The following PLG variants were observed in gnomAD, a reference collection of about 807,000 sequenced individuals.
The protein encoded by PLG is plasmin.
Under a neutral mutation model 104.4 loss-of-function variants are expected in PLG, and 41 were observed. The observed-to-expected ratio is 0.39, with a 90% CI of 0.31 to 0.51. PLG has a LOEUF of 0.51. PLG is among the 20% of genes least tolerant of loss of function. The pLI, the probability that PLG is intolerant of heterozygous loss-of-function variation, is 0.76. For missense variants in PLG, 891 were observed against 1,003.6 expected (o/e 0.89, Z 1.52); for synonymous variants, 337 against 357.1 (o/e 0.94, Z 0.63).
chr6:160,713,339 C>G, intron 5 of PLG: 1 of 511,826 alleles, frequency 2.0e-6, no homozygotes, highest in South Asian at 2.0e-5. Context: ...CGTGCAATCT[C>G]GGCTCACCAC....
At position 160,752,867 on chromosome 6, in the gene PLG, C is replaced by T. The variant is rs1027768886; in HGVS notation, c.2272-33C>T. The stretch of plus-strand genomic sequence containing the variant: ...CCATAATAAAAGGCAGGCAGCCTAA[C>T]CCTCACATGCATTTTTCTCTCCCTC... On this transcript the variant is annotated intron_variant, in intron 18 of 18. Coordinates refer to ENST00000308192, the MANE Select transcript of PLG (RefSeq NM_000301.5). The surrounding 1 kb of genome is among the most constrained non-coding windows in gnomAD (Gnocchi z 4.7). 1 of 1,611,818 alleles carries T rather than the reference C, an allele frequency of 6.2e-7. No individual in the cohort carries two copies.
chr6:160,738,657 T>A lies in PLG; in HGVS notation c.1877+45T>A. The A allele has an allele frequency of 8.2e-7, 1 of 1,224,972 alleles. No homozygotes were observed. Among genetic ancestry groups the A allele is most frequent in the Non-Finnish European group, 1.2e-6 (1 of 824,750 alleles). The allele number at this position is 1,224,972 out of a possible 1,614,324, so 75.9% of individuals were successfully genotyped here. On this transcript the variant is annotated intron_variant, in intron 15 of 18. Coordinates refer to ENST00000308192, the MANE Select transcript of PLG (RefSeq NM_000301.5). This position sits in a 1 kb window ranked among gnomAD's most constrained non-coding sequence, Gnocchi z 6.8. ...GACATGAAGTCTTGTCTTAAATACT[T>A]TTTCTGTCCTTCTTTTCCTCCTTTC... is the stretch of plus-strand genomic sequence containing the variant.
chr6:160,714,535 G>C (rs370903455), intron 5 of PLG, among the ~76,000 whole-genome samples: 3 of 152,100 alleles, frequency 2.0e-5, no homozygotes, highest in African/African-American at 7.2e-5. Context: ...TTCTGAACTT[G>C]GTCATGACTA....
At chr6:160,728,051 A>G (rs1442671162) in intron 10 of PLG, among the ~76,000 whole-genome samples, 1 of 151,970 alleles carries the variant, frequency 6.6e-6, no homozygotes, top group African/African-American at 2.4e-5. Flanking sequence ...TAATTAACGG[A>G]TGCAGAAAGT....
chr6:160,748,440 G>GAGAAAGA lies in PLG; in HGVS notation c.2126-3674_2126-3673insGAAAGAA, dbSNP rs1778331521. ...AGGGAAAGAAAGAGAACGAAAGAAA[G>GAGAAAGA]AAGGGAGGGAGGGAGGGAGGGAGGG... On this transcript the variant is annotated intron_variant, in intron 17 of 18. Transcript: ENST00000308192. Among the ~76,000 whole-genome samples the GAGAAAGA allele has an allele frequency of 4.3e-5, 3 of 69,372 alleles. 1 individual carries two copies. The highest frequency in any genetic ancestry group is 3.8e-4 in the Admixed American group (2 of 5,240). The allele number at this position is 69,372 out of a possible 152,430, so 45.5% of individuals were successfully genotyped here.
intron 2 of PLG, among the ~76,000 whole-genome samples, chr6:160,707,303 A>G (rs1777546770): frequency 6.6e-6 from 1 of 152,120 alleles, no homozygotes; most frequent in African/African-American, 2.4e-5. Context: ...GTGGGGTGGA[A>G]TGTGGAGCAG....
At position 160,741,167 on chromosome 6, in the gene PLG, C is replaced by G. The variant is rs752584086; in HGVS notation, c.2019-144C>G. On this transcript the variant is annotated intron_variant, in intron 16 of 18. Transcript: ENST00000308192. This position sits in a 1 kb window ranked among gnomAD's most constrained non-coding sequence, Gnocchi z 4.7. Reference sequence around the variant, plus strand: ...CACAGGCAAATGTGAGGGTGAAACTCTGTGTTCTACGTTGCTCTGTGTCAG... The same window carrying G: ...CACAGGCAAATGTGAGGGTGAAACTGTGTGTTCTACGTTGCTCTGTGTCAG... 13 of 688,270 alleles carry G rather than the reference C, an allele frequency of 1.9e-5. No individual in the cohort carries two copies. Among genetic ancestry groups the G allele is most frequent in the Non-Finnish European group, 3.3e-5 (12 of 365,954 alleles). 42.6% of individuals were successfully genotyped at this position (688,270 alleles called of 1,614,324 possible). A position where few individuals can be genotyped will look rare whatever the true frequency, so the allele number is the denominator to read the frequency against.
upstream of PLG, chr6:160,702,231 C>A (rs532887563): frequency 6.4e-6 from 10 of 1,554,182 alleles, no homozygotes; most frequent in Non-Finnish European, 7.9e-6. Context: ...TTTGTGGATG[C>A]GTTTACTCTC....
intron 8 of PLG, 77 bp downstream of exon 8, chr6:160,718,533 A>G: frequency 7.3e-7 from 1 of 1,374,222 alleles, no homozygotes; most frequent in East Asian, 2.3e-5. Flanking sequence ...TAGTTACTGT[A>G]GGAACGCAGG....
chr6:160,731,006 A>G lies in PLG; in HGVS notation c.1257-45A>G, dbSNP rs758340326. 6.3e-7 allele frequency: 1 copy of G among 1,595,194 alleles called. No homozygotes were observed. Among genetic ancestry groups the G allele is most frequent in the East Asian group, 2.2e-5 (1 of 44,766 alleles). ...TGTAGAGGGTGCTGGGTGCCCCTGA[A>G]TATTCTCCCACCTCTTGTGACCTGT... On this transcript the variant is annotated intron_variant, in intron 10 of 18. Coordinates refer to ENST00000308192, the MANE Select transcript of PLG (RefSeq NM_000301.5). The surrounding 1 kb of genome is among the most constrained non-coding windows in gnomAD (Gnocchi z 5.1).
intron 17 of PLG, among the ~76,000 whole-genome samples, chr6:160,745,571 T>C (rs547524438): frequency 3.3e-5 from 5 of 152,300 alleles, no homozygotes; most frequent in Admixed American, 2.6e-4. Context: ...CTCTTGAAGG[T>C]AGCATACCAG....
chr6:160,711,665 T>C, intron 4 of PLG: 1 of 1,610,776 alleles, frequency 6.2e-7, no homozygotes, highest in Non-Finnish European at 8.5e-7. Context: ...TTTTCTTGGA[T>C]ATGGAGGTTT....
At position 160,707,789 on chromosome 6, in the gene PLG, T is replaced by A; in HGVS notation, c.275T>A (p.Val92Asp). 6.2e-7 allele frequency: 1 copy of A among 1,611,258 alleles called. No homozygotes were observed. The highest frequency in any genetic ancestry group is 1.3e-5 in the African/African-American group (1 of 74,930). ...ATAATCATTAGGATGAGAGATGTAG[T>A]TTTATTTGAAAAGAAAGGTGAGTAC... ...SSIIIRMRDVVLFEKKVYLSE... is the reference protein window; with the variant it reads ...SSIIIRMRDVDLFEKKVYLSE... Residue 92 changes from valine to aspartate, a missense_variant, in exon 3 of 19, where the codon GTT becomes GAT. Val to Asp is a radical substitution (Grantham distance 152). Around this residue, in one of 2 missense-constraint regions of PLG, gnomAD observed 854 missense variants for 932.1 expected, o/e 0.92. Coordinates refer to ENST00000308192, the MANE Select transcript of PLG (RefSeq NM_000301.5).
Position 160,741,959 on chromosome 6 carries a change from A to G in PLG, c.2125+542A>G, listed in dbSNP as rs968876316. Among the ~76,000 whole-genome samples the G allele has an allele frequency of 1.3e-5, 2 of 152,198 alleles. No homozygotes were observed. On this transcript the variant is annotated intron_variant, in intron 17 of 18. Coordinates refer to ENST00000308192, the MANE Select transcript of PLG (RefSeq NM_000301.5). The surrounding 1 kb of genome is among the most constrained non-coding windows in gnomAD (Gnocchi z 4.7). ...TAGTTTTCTAAGAATAACGGCCTCC[A>G]GCTCCATTCATGTTCCTGTAAAAGA...
intron 4 of PLG, chr6:160,711,684 C>T: frequency 6.2e-7 from 1 of 1,610,528 alleles, no homozygotes. Flanking sequence ...TTCTTGAAGA[C>T]CTAGAACATA....
At chr6:160,745,804 A>G (rs531533254) in intron 17 of PLG, among the ~76,000 whole-genome samples, 81 of 152,316 alleles carry the variant, frequency 5.3e-4, no homozygotes, top group Non-Finnish European at 3.8e-4. Context: ...GCTTCTTTCA[A>G]GATCTCTTGT....
intron 17 of PLG, among the ~76,000 whole-genome samples, chr6:160,750,594 C>G (rs1778385976): frequency 6.6e-6 from 1 of 152,244 alleles, no homozygotes; most frequent in Admixed American, 6.5e-5. Context: ...TTCCTCCCTG[C>G]AGCTCTGCCC....
chr6:160,724,815 A>T lies in PLG; in HGVS notation c.1256+2248A>T, dbSNP rs151054678. Among the ~76,000 whole-genome samples the T allele has an allele frequency of 3.9e-5, 6 of 152,348 alleles. No individual in the cohort carries two copies. The East Asian group carries it at 1.2e-3, about 29-fold the overall frequency. ...AAATAAAACACTAAGAGAATATTTC[A>T]TTACTAGGCTTATATAATAAAAGAT... On this transcript the variant is annotated intron_variant, in intron 10 of 18. Transcript: ENST00000308192. This position sits in a 1 kb window ranked among gnomAD's most constrained non-coding sequence, Gnocchi z 5.0.
chr6:160,733,862 AAAAAAAG>A, intron 12 of PLG, 126 bp from the exon 13 acceptor site: 12 of 508,474 alleles, frequency 2.4e-5, no homozygotes, highest in South Asian at 1.1e-4. Context: ...AAAAAAAAAA[AAAAAAAG>A]AAGGAAGGAA....
Sources: allele counts gnomAD v4.1 joint callset (sites outside exome capture counted in the v4.1 genomes callset), GRCh38; gene constraint gnomAD v4.1.1; regional missense constraint gnomAD v4.1.1; non-coding constraint Gnocchi (gnomAD v3.1); transcripts MANE v1.5; gene names NCBI Gene and HGNC (gene_info 2026-07-23, HGNC 2026-07-21).